ENTPD2: variants seen among roughly 807,000 people sequenced by gnomAD.
The protein encoded by ENTPD2 is ectonucleoside triphosphate diphosphohydrolase 2.
In ENTPD2, 48 loss-of-function variants were observed where a neutral mutation model predicts 46.8. That is an observed-to-expected ratio of 1.03 (90% CI 0.81 to 1.30). The LOEUF is 1.30. ENTPD2 is among the 50% of genes most tolerant of loss of function. The pLI is 0.00. For synonymous variants in ENTPD2, 316 were observed against 286.1 expected (o/e 1.10, Z -1.06); for missense variants, 707 against 651.1 (o/e 1.09, Z -0.93).
chr9:137,048,702 C>T lies in ENTPD2; in HGVS notation c.1443G>A (p.Leu481=). 6 of 1,605,954 alleles carry T rather than the reference C, an allele frequency of 3.7e-6. No individual in the cohort carries two copies. The highest frequency in any genetic ancestry group is 5.1e-6 in the Non-Finnish European group (6 of 1,177,104). ...TGGCGGAGTGCACCTGACGCAGCAG[C>T]AGGACAAGCGCAGCCAGGAGCGCGG... The part of the protein sequence containing the change: ...FASALLAALV[L]LLRQVHSAKL... The change falls in exon 9 of 9, where the codon CTG becomes CTA. Residue 481 remains leucine, a synonymous_variant. Coordinates refer to ENST00000355097, the MANE Select transcript of ENTPD2 (RefSeq NM_203468.3).
At position 137,049,382 on chromosome 9, in the gene ENTPD2, G is replaced by A. The variant is rs928644610; in HGVS notation, c.1150-307C>T. 4.1e-4 allele frequency: 255 copies of A among 625,270 alleles called. 1 individual carries two copies. The African/African-American group carries it at 4.1e-3, about 10-fold the overall frequency. 38.7% of individuals were successfully genotyped at this position (625,270 alleles called of 1,614,324 possible). A position where few individuals can be genotyped will look rare whatever the true frequency, so the allele number is the denominator to read the frequency against. On this transcript the variant is annotated intron_variant, in intron 7 of 8. Coordinates refer to ENST00000355097, the MANE Select transcript of ENTPD2 (RefSeq NM_203468.3). The stretch of plus-strand genomic sequence containing the variant: ...TGGTGTGTGGCCAGGGGAACAGGAC[G>A]AGCTCCAGGCCTGAGTCTGCCCGCT...
chr9:137,052,469 A>C, intron 1 of ENTPD2, 121 bp from the exon 2 acceptor site: 1 of 758,102 alleles, frequency 1.3e-6, no homozygotes, highest in South Asian at 1.6e-5. Context: ...GTCATGTGCC[A>C]AGCCTCATGC....
At position 137,052,309 on chromosome 9, in the gene ENTPD2, T is replaced by C. The variant is rs777157838; in HGVS notation, c.157A>G (p.Met53Val). 4.5e-6 allele frequency: 7 copies of C among 1,554,174 alleles called. No homozygotes were observed. Among genetic ancestry groups the C allele is most frequent in the Non-Finnish European group, 6.1e-6 (7 of 1,146,606 alleles). Residue 53 changes from methionine to valine, a missense_variant, in exon 2 of 9, where the codon ATG (methionine) becomes GTG (valine). Physicochemically the swap from Met to Val is conservative, Grantham distance 21 (BLOSUM62 1). Transcript: ENST00000355097. ...VLDAGSSHTS[M>V]FIYKWPADKE... ...TCTGCCGGCCACTTGTAGATAAACA[T>C]GGACGTGTGTGAAGAACCAGCGTCC...
chr9:137,048,579 G>A lies in ENTPD2; in HGVS notation c.*78C>T. 2.3e-6 allele frequency: 3 copies of A among 1,307,848 alleles called. No individual in the cohort carries two copies. The highest frequency in any genetic ancestry group is 3.1e-6 in the Non-Finnish European group (3 of 963,650). 81.0% of individuals were successfully genotyped at this position (1,307,848 alleles called of 1,614,324 possible). ...GGGGATACAGGGGTGGGAGGTACAGGGGTTGTGGGAGGGGTGGGAGTACGG... is the reference window on the plus strand; with the variant it reads ...GGGGATACAGGGGTGGGAGGTACAGAGGTTGTGGGAGGGGTGGGAGTACGG... On this transcript the variant is annotated 3_prime_UTR_variant, in exon 9 of 9. Transcript: ENST00000355097.
rs1420847887 is a variant in ENTPD2 at position 137,048,464 on chromosome 9, GGGGTGGAGCGGTGGGGGATAGAGGGT to G, written c.*167_*192del. On this transcript the variant is annotated 3_prime_UTR_variant, in exon 9 of 9. Transcript: ENST00000355097. ...GTGGAAGGATGGAGAAGACAGTGGT[GGGGTGGAGCGGTGGGGGATAGAGGGT>G]GGGTGGAGGAATGCAGGATACAGGG... 1.5e-5 allele frequency: 8 copies of G among 547,956 alleles called. No individual in the cohort carries two copies. The highest frequency in any genetic ancestry group is 2.6e-5 in the Non-Finnish European group (8 of 312,106). 33.9% of individuals were successfully genotyped at this position (547,956 alleles called of 1,614,324 possible).
In ENTPD2 at chr9:137,048,938, C is replaced by CCCCCCCAG; in HGVS notation, c.1284+2_1284+3insCTGGGGGG. ...GGCCCCGCCCCGCCCCGCCCCAGCC[C>CCCCCCCAG]ACCTTCTTCTGGAAGATCACGCCGC... is the stretch of plus-strand genomic sequence containing the variant. On this transcript the variant is annotated splice_region_variant and intron_variant, in intron 8 of 8. Coordinates refer to ENST00000355097, the MANE Select transcript of ENTPD2 (RefSeq NM_203468.3). 6.6e-7 allele frequency: 1 copy of CCCCCCCAG among 1,520,328 alleles called. No homozygotes were observed. Among genetic ancestry groups the CCCCCCCAG allele is most frequent in the Non-Finnish European group, 8.8e-7 (1 of 1,134,726 alleles). 94.2% of individuals were successfully genotyped at this position (1,520,328 alleles called of 1,614,324 possible).
At chr9:137,050,020 A>T in intron 6 of ENTPD2, 31 bp from the exon 7 acceptor site, 2 of 1,597,084 alleles carry the variant, frequency 1.3e-6, no homozygotes, top group Non-Finnish European at 8.5e-7. Flanking sequence ...CTGTGACCGA[A>T]CCCCAGCGGC....
intron 8 of ENTPD2, 38 bp downstream of exon 8, chr9:137,048,903 C>A: frequency 6.7e-7 from 1 of 1,483,604 alleles, no homozygotes; most frequent in African/African-American, 1.4e-5. Context: ...AGGCCCCGCC[C>A]CGCAAGGTCG....
Position 137,050,463 on chromosome 9 carries a change from A to G in ENTPD2, c.850T>C (p.Cys284Arg), listed in dbSNP as rs781758869. 10 of 1,612,866 alleles carry G rather than the reference A, an allele frequency of 6.2e-6. No individual in the cohort carries two copies. The highest frequency in any genetic ancestry group is 1.7e-4 in the Middle Eastern group (1 of 6,060). ...TTCTGGGGCCGCTGGGCCATGGTGC[A>G]TGGTGACTGGTACACATCCCCGAGC... ...VLLGDVYQSP[C>R]TMAQRPQNFN... The change falls in exon 6 of 9, where the codon TGC (cysteine) becomes CGC (arginine). Residue 284 changes from cysteine to arginine, a missense_variant. By Grantham distance (180) the Cys-to-Arg change is radical. Transcript: ENST00000355097.
chr9:137,051,256 CA>C lies in ENTPD2; in HGVS notation c.500del (p.Val167GlyfsTer5). 6.2e-7 allele frequency: 1 copy of C among 1,612,976 alleles called. No individual in the cohort carries two copies. The highest frequency in any genetic ancestry group is 8.5e-7 in the Non-Finnish European group (1 of 1,179,902). The stretch of plus-strand genomic sequence containing the variant: ...GGTAGTTGGCAGTCACCCAGCCAAA[CA>C]CCCCCTCTTCCTGGCCCGAGAGGAT... Reference protein sequence around the residue: ...ARILSGQEEGVFGWVTANYLL... With the variant: ...ARILSGQEEGXFGWVTANYLL... On this transcript the variant is annotated frameshift_variant, in exon 4 of 9. Transcript: ENST00000355097. LOFTEE classifies it high-confidence loss of function.
In ENTPD2 at chr9:137,048,517, C is replaced by A; in HGVS notation, c.*140G>T. 1.7e-6 allele frequency: 1 copy of A among 602,178 alleles called. No individual in the cohort carries two copies. The allele number at this position is 602,178 out of a possible 1,614,324, so 37.3% of individuals were successfully genotyped here. A position where few individuals can be genotyped will look rare whatever the true frequency, so the allele number is the denominator to read the frequency against. ...GGTGGAGGAATGCAGGATACAGGGG[C>A]GGGGAGAGAGGTTGGGAGAGGGGTG... On this transcript the variant is annotated 3_prime_UTR_variant, in exon 9 of 9. Transcript: ENST00000355097.
chr9:137,052,210 C>T (rs1299776536), intron 2 of ENTPD2, 21 bp downstream of exon 2: 5 of 1,605,006 alleles, frequency 3.1e-6, no homozygotes, highest in African/African-American at 2.7e-5. Context: ...GGCGTCCTGG[C>T]TGGGCTGGGC....
chr9:137,050,764 C>G, intron 5 of ENTPD2, 138 bp downstream of exon 5: 2 of 1,296,522 alleles, frequency 1.5e-6, no homozygotes, highest in African/African-American at 2.9e-5. Context: ...TGGGCCTTTG[C>G]TCATGCTCTG....
In ENTPD2 at chr9:137,048,977, G is replaced by A. The variant is rs7873815; in HGVS notation, c.1248C>T (p.Asp416=). The change falls in exon 8 of 9, where the codon GAC becomes GAT. Residue 416 remains aspartate (D), a synonymous_variant. Coordinates refer to ENST00000355097, the MANE Select transcript of ENTPD2 (RefSeq NM_203468.3). ...QQLLSRGYGF[D]ERAFGGVIFQ... ...AGATCACGCCGCCGAAGGCGCGCTC[G>A]TCGAAGCCGTAGCCGCGACTCAGCA... 0.35 allele frequency: 537,008 copies of A among 1,534,122 alleles called. 97,121 individuals are homozygous for A. Among genetic ancestry groups the A allele is most frequent in the African/African-American group, 0.55 (39,696 of 72,400 alleles).
intron 7 of ENTPD2, 120 bp downstream of exon 7, chr9:137,049,750 G>T: frequency 8.5e-7 from 1 of 1,178,516 alleles, no homozygotes. Flanking sequence ...CCTAATGCCT[G>T]CCATCGCCCC....
chr9:137,053,830 C>G, intron 1 of ENTPD2, 51 bp downstream of exon 1: 1 of 1,176,916 alleles, frequency 8.5e-7, no homozygotes, highest in Non-Finnish European at 1.1e-6. Context: ...TCCCCGGCTC[C>G]AAGCCCGGCC....
At chr9:137,051,750 G>T (rs781444543) in intron 2 of ENTPD2, 90 bp from the exon 3 acceptor site, 2 of 1,456,608 alleles carry the variant, frequency 1.4e-6, no homozygotes, top group Non-Finnish European at 9.0e-7. Flanking sequence ...GGTGGGGGCC[G>T]TGGGCTCCCA....
rs1832221425 is a variant in ENTPD2, at chr9:137,049,788, G to A, written c.1149+82C>T. On this transcript the variant is annotated intron_variant, in intron 7 of 8. Coordinates refer to ENST00000355097, the MANE Select transcript of ENTPD2 (RefSeq NM_203468.3). Reference sequence around the variant, plus strand: ...CTGCAGCGGGTGCTCCGAGAGGCCTGTCCATGCAGGGCTGGGGAGGCATGC... The same window carrying A: ...CTGCAGCGGGTGCTCCGAGAGGCCTATCCATGCAGGGCTGGGGAGGCATGC... 4 of 1,474,360 alleles carry A rather than the reference G, an allele frequency of 2.7e-6. No individual in the cohort carries two copies. The South Asian group carries it at 3.9e-5, about 14-fold the overall frequency. 91.3% of individuals were successfully genotyped at this position (1,474,360 alleles called of 1,614,324 possible).
chr9:137,048,820 A>G lies in ENTPD2; in HGVS notation c.1325T>C (p.Leu442Pro), dbSNP rs778985603. The change falls in exon 9 of 9, where the codon CTG becomes CCG. Residue 442 changes from leucine to proline, a missense_variant. Leu to Pro is a moderately conservative substitution (Grantham distance 98). Coordinates refer to ENST00000355097, the MANE Select transcript of ENTPD2 (RefSeq NM_203468.3). The stretch of plus-strand genomic sequence containing the variant: ...GGCGGGGATCAGGTTGGTCAGGTTC[A>G]GCATGTAGCCGAGCGCCCAGCCCAC... ...TAVGWALGYM[L>P]NLTNLIPADP... 1.8e-5 allele frequency: 28 copies of G among 1,567,508 alleles called. No homozygotes were observed. Among genetic ancestry groups the G allele is most frequent in the East Asian group, 1.4e-4 (6 of 44,024 alleles).
Sources: allele counts gnomAD v4.1 joint callset, GRCh38; gene constraint gnomAD v4.1.1; transcripts MANE v1.5; gene names NCBI Gene and HGNC (gene_info 2026-07-23, HGNC 2026-07-21).